The following ZNF83 variants were observed in gnomAD, a reference collection of about 807,000 sequenced individuals.
The protein encoded by ZNF83 is zinc finger protein 816B.
For missense variants in ZNF83, 552 were observed against 629.9 expected (o/e 0.88, Z 1.32); for synonymous variants, 209 against 213.0 (o/e 0.98, Z 0.17).
At chr19:52,619,020 C>A in intron 2 of ZNF83, 2 of 1,606,086 alleles carry the variant, frequency 1.2e-6, no homozygotes, top group Non-Finnish European at 1.7e-6. Flanking sequence ...TTCCACTCCT[C>A]CTGAGAGAAT....
At chr19:52,671,719 A>C (rs1393694185) in intron 1 of ZNF83, among the ~76,000 whole-genome samples, 5 of 152,198 alleles carry the variant, frequency 3.3e-5, no homozygotes, top group Admixed American at 1.3e-4. Flanking sequence ...TTGGGGTTAC[A>C]GGCAAGCCAC....
At chr19:52,635,235 C>T in intron 1 of ZNF83, 82 bp from the exon 2 acceptor site, 1 of 494,848 alleles carries the variant, frequency 2.0e-6, no homozygotes, top group Non-Finnish European at 3.6e-6. Context: ...CAAAGGAGAC[C>T]TCACCCTGAG....
intron 1 of ZNF83, among the ~76,000 whole-genome samples, chr19:52,671,180 T>C (rs1346620890): frequency 6.6e-6 from 1 of 152,122 alleles, no homozygotes; most frequent in Non-Finnish European, 1.5e-5. Context: ...ACTTTCTTCT[T>C]TGCCATATGT....
exon 3 of ZNF83, chr19:52,613,750 T>A (rs1429094673): frequency 4.3e-6 from 6 of 1,387,674 alleles, no homozygotes; most frequent in East Asian, 1.1e-4. Context: ...GTGTGAAATA[T>A]GATGGAAGAC....
chr19:52,661,511 C>G (rs993853194), intron 1 of ZNF83, among the ~76,000 whole-genome samples: 1 of 152,204 alleles, frequency 6.6e-6, no homozygotes, highest in Non-Finnish European at 1.5e-5. Context: ...ATGCTGGACA[C>G]AGATGAGAAT....
intron 1 of ZNF83, among the ~76,000 whole-genome samples, chr19:52,682,603 G>A (rs1023271971): frequency 7.2e-5 from 11 of 152,000 alleles, no homozygotes; most frequent in African/African-American, 2.7e-4. Flanking sequence ...AGGAGTCAGA[G>A]GTTGCACTGA....
chr19:52,668,953 A>ATG (rs2061688585), intron 1 of ZNF83, among the ~76,000 whole-genome samples: 1 of 152,184 alleles, frequency 6.6e-6, no homozygotes, highest in South Asian at 2.1e-4. Flanking sequence ...TCCAGCTTCC[A>ATG]ACTCCCAACA....
chr19:52,670,690 A>G (rs924195597), intron 1 of ZNF83, among the ~76,000 whole-genome samples: 11 of 152,208 alleles, frequency 7.2e-5, no homozygotes, highest in Non-Finnish European at 1.6e-4. Context: ...CATATGTCCA[A>G]GGTGATGGGG....
chr19:52,643,456 C>A (rs1568559453), intron 3 of ZNF83, among the ~76,000 whole-genome samples: 1 of 151,532 alleles, frequency 6.6e-6, no homozygotes, highest in Non-Finnish European at 1.5e-5. Context: ...AATCCTAGCA[C>A]GTTGGGAGGC....
intron 1 of ZNF83, among the ~76,000 whole-genome samples, chr19:52,680,769 C>T (rs1433543303): frequency 2.1e-5 from 3 of 145,606 alleles, no homozygotes; most frequent in Admixed American, 6.7e-5. Context: ...CCCGCCACTA[C>T]GCCCGGCTAA....
At chr19:52,680,200 A>T (rs73588140) in intron 1 of ZNF83, among the ~76,000 whole-genome samples, 2,045 of 152,254 alleles carry the variant, frequency 0.013, 32 homozygotes, top group African/African-American at 0.042. Flanking sequence ...ACAAGAAAGC[A>T]GGCATGGGGC....
At chr19:52,667,843 T>G (rs1287114150) in intron 1 of ZNF83, among the ~76,000 whole-genome samples, 1 of 152,190 alleles carries the variant, frequency 6.6e-6, no homozygotes, top group African/African-American at 2.4e-5. Context: ...TTTATTAAAA[T>G]TAAGTTTAAC....
At chr19:52,633,890 A>G (rs2061056661) in intron 2 of ZNF83, among the ~76,000 whole-genome samples, 1 of 152,194 alleles carries the variant, frequency 6.6e-6, no homozygotes, top group Admixed American at 6.5e-5. Context: ...AGACTGGGCA[A>G]CAAGAGTGAA....
upstream of ZNF83, among the ~76,000 whole-genome samples, chr19:52,639,413 CTATTTT>C (rs1405918739): frequency 1.5e-4 from 8 of 53,882 alleles, no homozygotes; most frequent in African/African-American, 4.5e-4. Context: ...TTAGTTTTTT[CTATTTT>C]TTTTTTTTTT....
intron 1 of ZNF83, among the ~76,000 whole-genome samples, chr19:52,689,261 A>T (rs892814838): frequency 6.6e-6 from 1 of 152,116 alleles, no homozygotes; most frequent in African/African-American, 2.4e-5. Flanking sequence ...ACCTAAAATA[A>T]ACAATTCTGT....
chr19:52,680,973 A>G (rs2061907878), intron 1 of ZNF83, among the ~76,000 whole-genome samples: 1 of 151,942 alleles, frequency 6.6e-6, no homozygotes, highest in Admixed American at 6.6e-5. Context: ...TGGACAATGT[A>G]AAAAATATAC....
intron 2 of ZNF83, among the ~76,000 whole-genome samples, chr19:52,634,457 A>T (rs1027455002): frequency 6.6e-6 from 1 of 152,222 alleles, no homozygotes; most frequent in Non-Finnish European, 1.5e-5. Flanking sequence ...AATGGTTTAA[A>T]GAATCTCCTG....
intron 2 of ZNF83, among the ~76,000 whole-genome samples, chr19:52,623,929 CTT>C (rs1177671510): frequency 6.6e-6 from 1 of 152,176 alleles, no homozygotes; most frequent in Non-Finnish European, 1.5e-5. Context: ...CCTGTACACT[CTT>C]TTGTTCTCAA....
At chr19:52,678,796 A>G (rs2061860644) in intron 1 of ZNF83, among the ~76,000 whole-genome samples, 1 of 152,068 alleles carries the variant, frequency 6.6e-6, no homozygotes, top group South Asian at 2.1e-4. Context: ...CAACATAGTG[A>G]AAACCTGTCT....
Sources: gnomAD v4.1 joint callset for allele counts (sites outside exome capture counted in the v4.1 genomes callset) on GRCh38, gnomAD v4.1.1 for gene constraint, MANE v1.5 for transcripts, NCBI Gene and HGNC (gene_info 2026-07-23, HGNC 2026-07-21) for gene names.